Variants in CYP27A1 observed in about 807,000 individuals in gnomAD.
CYP27A1 encodes sterol 26-hydroxylase, mitochondrial.
Under a neutral mutation model 58.2 loss-of-function variants are expected in CYP27A1, and 46 were observed. The observed-to-expected ratio is 0.79, with a 90% CI of 0.62 to 1.01. CYP27A1 has a LOEUF of 1.01. CYP27A1 is among the 50% of genes least tolerant of loss of function. The pLI, the probability that CYP27A1 is intolerant of heterozygous loss-of-function variation, is 0.00. For synonymous variants in CYP27A1, 274 were observed against 285.1 expected (o/e 0.96, Z 0.39); for missense variants, 704 against 687.0 (o/e 1.02, Z -0.28).
intron 1 of CYP27A1, among the ~76,000 whole-genome samples, chr2:218,807,302 T>A (rs1294107748): frequency 6.6e-6 from 1 of 152,196 alleles, no homozygotes; most frequent in South Asian, 2.1e-4. Flanking sequence ...GTATGTAAAG[T>A]ATTTTTTAAA....
Position 218,793,932 on chromosome 2 carries a change from T to C in CYP27A1, c.255+11495T>C, listed in dbSNP as rs554633368. On this transcript the variant is annotated intron_variant, in intron 1 of 8. Coordinates refer to ENST00000258415, the MANE Select transcript of CYP27A1 (RefSeq NM_000784.4). ...TTTTGCCATGTTGGCCAGGCTGTTG[T>C]AGGACTTTCTTCTTAGTTCAATTAA... Among the ~76,000 whole-genome samples the C allele has an allele frequency of 3.9e-5, 6 of 152,338 alleles. No individual in the cohort carries two copies. In the East Asian group the frequency reaches 7.7e-4, roughly 20 times the overall value.
intron 1 of CYP27A1, among the ~76,000 whole-genome samples, chr2:218,788,240 T>C (rs1046061895): frequency 6.6e-6 from 1 of 152,236 alleles, no homozygotes; most frequent in African/African-American, 2.4e-5. Context: ...GCTGGTTATC[T>C]TTCTCTCTTC....
At chr2:218,812,527 G>C in intron 3 of CYP27A1, 25 bp from the exon 4 acceptor site, 1 of 1,613,956 alleles carries the variant, frequency 6.2e-7, no homozygotes, top group Non-Finnish European at 8.5e-7. Flanking sequence ...TCTGCCTCCT[G>C]TGATGGCCTC....
chr2:218,786,913 G>C (rs903373147), intron 1 of CYP27A1, among the ~76,000 whole-genome samples: 13 of 151,766 alleles, frequency 8.6e-5, no homozygotes, highest in African/African-American at 2.9e-4. Flanking sequence ...TCTCACATCA[G>C]CCTCCCAAGT....
At chr2:218,793,714 T>C (rs1390562238) in intron 1 of CYP27A1, among the ~76,000 whole-genome samples, 2 of 151,112 alleles carry the variant, frequency 1.3e-5, no homozygotes, top group African/African-American at 4.9e-5. Flanking sequence ...CAAGTTTCTC[T>C]TTCTTTTTTT....
At chr2:218,799,348 C>T (rs1331402801) in intron 1 of CYP27A1, among the ~76,000 whole-genome samples, 1 of 152,122 alleles carries the variant, frequency 6.6e-6, no homozygotes, top group Non-Finnish European at 1.5e-5. Context: ...AGGGGGAGGT[C>T]ATGGGAAGCA....
chr2:218,790,606 T>C (rs1559386512), intron 1 of CYP27A1, among the ~76,000 whole-genome samples: 1 of 152,238 alleles, frequency 6.6e-6, no homozygotes, highest in Non-Finnish European at 1.5e-5. Flanking sequence ...TTATTTAGCA[T>C]AACTTTCAGA....
chr2:218,785,537 C>G (rs1943433363), intron 1 of CYP27A1, among the ~76,000 whole-genome samples: 1 of 151,970 alleles, frequency 6.6e-6, no homozygotes, highest in South Asian at 2.1e-4. Flanking sequence ...GGCAGATTTG[C>G]TTAGGATGAT....
rs1293305874 is a variant in CYP27A1 at position 218,782,661 on chromosome 2, G to T, written c.255+224G>T. Among the ~76,000 whole-genome samples, 2 of 152,174 alleles carry T rather than the reference G, an allele frequency of 1.3e-5. No individual in the cohort carries two copies. The highest frequency in any genetic ancestry group is 4.8e-5 in the African/African-American group (2 of 41,434). On this transcript the variant is annotated intron_variant, in intron 1 of 8. Transcript: ENST00000258415. The surrounding 1 kb of genome is among the most constrained non-coding windows in gnomAD (Gnocchi z 4.1). ...ACGAGGAAGGGCTTAAATCAGGACG[G>T]CACCAGTAAGGGGGGGATCTGGACG...
chr2:218,807,873 G>A (rs777982775), intron 1 of CYP27A1, among the ~76,000 whole-genome samples: 1 of 151,648 alleles, frequency 6.6e-6, no homozygotes, highest in African/African-American at 2.4e-5. Flanking sequence ...GCCTCCCAAA[G>A]TGCTGGGATT....
chr2:218,809,009 T>C (rs1237323824), intron 1 of CYP27A1, among the ~76,000 whole-genome samples: 1 of 152,160 alleles, frequency 6.6e-6, no homozygotes, highest in East Asian at 1.9e-4. Context: ...GGGAAATAAA[T>C]AAATAAATAA....
chr2:218,812,086 T>C, intron 2 of CYP27A1, 136 bp from the exon 3 acceptor site: 1 of 706,766 alleles, frequency 1.4e-6, no homozygotes, highest in Admixed American at 2.2e-5. Flanking sequence ...GGTGATTCTA[T>C]AATTCTAAAT....
chr2:218,814,972 G>T lies in CYP27A1; in HGVS notation c.1538G>T (p.Arg513Leu), dbSNP rs144701596. 3.7e-6 allele frequency: 6 copies of T among 1,614,068 alleles called. No individual in the cohort carries two copies. Among genetic ancestry groups the T allele is most frequent in the Middle Eastern group, 1.6e-4 (1 of 6,084 alleles). Residue 513 changes from arginine (R) to leucine (L), a missense_variant, in exon 9 of 9, where the codon CGC becomes CTC. By Grantham distance (102) the Arg-to-Leu change is moderately radical. Coordinates refer to ENST00000258415, the MANE Select transcript of CYP27A1 (RefSeq NM_000784.4). ...PETGELKSVARIVLVPNKKVG... is the reference protein window; with the variant it reads ...PETGELKSVALIVLVPNKKVG... ...ACGGGGGAGTTGAAGAGTGTGGCCC[G>T]CATTGTCCTGGTTCCCAATAAGAAA...
At chr2:218,795,793 C>T (rs1247956065) in intron 1 of CYP27A1, among the ~76,000 whole-genome samples, 2 of 152,108 alleles carry the variant, frequency 1.3e-5, no homozygotes, top group Non-Finnish European at 2.9e-5. Flanking sequence ...TAAAAAAAAT[C>T]ATAATAGGAC....
At chr2:218,807,787 T>A (rs1387834436) in intron 1 of CYP27A1, among the ~76,000 whole-genome samples, 1 of 151,882 alleles carries the variant, frequency 6.6e-6, no homozygotes, top group Non-Finnish European at 1.5e-5. Context: ...TTTTTTTTTT[T>A]TTTGTAGAGG....
rs1943723630 is a variant in CYP27A1 at position 218,812,207 on chromosome 2, T to C, written c.447-15T>C. On this transcript the variant is annotated splice_polypyrimidine_tract_variant and intron_variant, in intron 2 of 8. Transcript: ENST00000258415. ...TAGAGGCTTATCTTTGTGCTGTTCC[T>C]CTGCGTCCCTGCAGGGAAGGACACC... 2 of 1,611,066 alleles carry C rather than the reference T, an allele frequency of 1.2e-6. No individual in the cohort carries two copies. Among genetic ancestry groups the C allele is most frequent in the African/African-American group, 1.3e-5 (1 of 75,000 alleles).
At chr2:218,783,286 A>G (rs1221750050) in intron 1 of CYP27A1, among the ~76,000 whole-genome samples, 8 of 151,750 alleles carry the variant, frequency 5.3e-5, no homozygotes, top group Admixed American at 3.3e-4. Context: ...AGAAAAAAAG[A>G]AAAAAGAAAT....
In CYP27A1 at chr2:218,782,425, G is replaced by A. The variant is rs75897848; in HGVS notation, c.243G>A (p.Leu81=). ...QLFVQGYALQ[L]HQLQVLYKAK... is the part of the protein sequence containing the mutation. ...TCGTTCAAGGCTATGCCCTGCAACT[G>A]CACCAGTTACAGGTAACCCGCGGGG... Residue 81 remains leucine, a synonymous_variant, in exon 1 of 9, where the codon CTG becomes CTA. Coordinates refer to ENST00000258415, the MANE Select transcript of CYP27A1 (RefSeq NM_000784.4). This position sits in a 1 kb window ranked among gnomAD's most constrained non-coding sequence, Gnocchi z 4.1. 730 of 1,614,232 alleles carry A rather than the reference G, an allele frequency of 4.5e-4. 3 individuals carry two copies. In the African/African-American group the frequency reaches 8.3e-3, roughly 18 times the overall value.
Position 218,782,314 on chromosome 2 carries a change from C to T in CYP27A1, c.132C>T (p.Pro44=), listed in dbSNP as rs933195273. Residue 44 remains proline, a synonymous_variant, in exon 1 of 9, where the codon CCC becomes CCT. Transcript: ENST00000258415. The surrounding 1 kb of genome is among the most constrained non-coding windows in gnomAD (Gnocchi z 4.1). ...ALPSDKATGA[P]GAGPGVRRRQ... ...CCTCGGACAAGGCCACCGGAGCTCC[C>T]GGAGCCGGGCCTGGTGTCCGGCGGC... 6.2e-7 allele frequency: 1 copy of T among 1,610,980 alleles called. No homozygotes were observed. The highest frequency in any genetic ancestry group is 8.5e-7 in the Non-Finnish European group (1 of 1,178,550).
Sources: gnomAD v4.1 joint callset for allele counts (sites outside exome capture counted in the v4.1 genomes callset) on GRCh38, gnomAD v4.1.1 for gene constraint, Gnocchi (gnomAD v3.1) non-coding constraint, MANE v1.5 for transcripts, NCBI Gene and HGNC (gene_info 2026-07-23, HGNC 2026-07-21) for gene names.